Variants in CPSF1 observed in about 807,000 individuals in gnomAD.
CPSF1 encodes the protein cleavage and polyadenylation specific factor 1.
A neutral mutation model predicts 175.8 loss-of-function variants in CPSF1; 106 were observed. The observed-to-expected ratio is 0.60, with a 90% confidence interval of 0.52 to 0.71. The LOEUF is 0.71. CPSF1 is among the 30% of genes least tolerant of loss of function. The pLI, the probability that CPSF1 is intolerant of heterozygous loss-of-function variation, is 0.00. For missense variants in CPSF1, 1,734 were observed against 2,022.9 expected (o/e 0.86, Z 2.74); for synonymous variants, 1,024 against 858.3 (o/e 1.19, Z -3.37).
At chr8:144,404,852 C>A (rs2116900151) in intron 2 of CPSF1, among the ~76,000 whole-genome samples, 2 of 151,574 alleles carry the variant, frequency 1.3e-5, no homozygotes, top group Non-Finnish European at 2.9e-5. Context: ...GTCAGGCGAT[C>A]GAGACCATCC....
At position 144,396,858 on chromosome 8, in the gene CPSF1, G is replaced by A. The variant is rs781996417; in HGVS notation, c.2664C>T (p.Leu888=). 2 of 1,613,892 alleles carry A rather than the reference G, an allele frequency of 1.2e-6. No homozygotes were observed. The highest frequency in any genetic ancestry group is 1.7e-6 in the Non-Finnish European group (2 of 1,179,960). The change falls in exon 24 of 38, where the codon CTC becomes CTT. Residue 888 remains leucine (L), a synonymous_variant. Coordinates refer to ENST00000616140, the MANE Select transcript of CPSF1 (RefSeq NM_013291.3). The stretch of plus-strand genomic sequence containing the variant: ...CTGGCACCTTCTTAAAGCGGACTTT[G>A]AGATTGCCCTGGCCGAGCTGAGAGT... The part of the protein sequence containing the change: ...PHDSQLGQGN[L]KVRFKKVPHN...
chr8:144,395,687 T>A, intron 26 of CPSF1, 136 bp from the exon 27 acceptor site: 1 of 709,940 alleles, frequency 1.4e-6, no homozygotes, highest in Non-Finnish European at 2.4e-6. Context: ...AGCTGTGTCC[T>A]GGCGAGGTCC....
Position 144,397,545 on chromosome 8 carries a change from G to T in CPSF1, c.2327C>A (p.Pro776His). The change falls in exon 22 of 38, where the codon CCC becomes CAC. Residue 776 changes from proline (P) to histidine (H), a missense_variant. This residue lies in a region of CPSF1 where 585 missense variants were observed against 584.7 expected (regional missense o/e 1.00). Transcript: ENST00000616140. ...CCAGTGGGTAGGCTCTGCCCGGAAG[G>T]GTGCAGGGTCCCGGTCAGCAGGGGG... Reference protein sequence around the residue: ...SQPPADRDPAPFRAEPTHWCL... With the variant: ...SQPPADRDPAHFRAEPTHWCL... The T allele has an allele frequency of 6.4e-7, 1 of 1,564,382 alleles. No individual in the cohort carries two copies. The highest frequency in any genetic ancestry group is 8.7e-7 in the Non-Finnish European group (1 of 1,149,278).
At chr8:144,400,536 A>C in intron 7 of CPSF1, 43 bp from the exon 8 acceptor site, 1 of 1,610,398 alleles carries the variant, frequency 6.2e-7, no homozygotes, top group Non-Finnish European at 8.5e-7. Flanking sequence ...GCCTCCCCGC[A>C]GAGACCCAGG....
chr8:144,402,661 CAGA>C (rs1821284866), intron 2 of CPSF1, among the ~76,000 whole-genome samples: 1 of 152,138 alleles, frequency 6.6e-6, no homozygotes, highest in African/African-American at 2.4e-5. Context: ...TTAAGAGATA[CAGA>C]AGAAGCATCC....
chr8:144,393,232 CAAGCAAAAAATGTTTTTCCTT>C lies in CPSF1; in HGVS notation c.*65_*85del. ...CCGTGTAATGACCACACACTCCTCT[CAAGCAAAAAATGTTTTTCCTT>C]GTGTTTTGTACAAAAAGGGGGTGGG... On this transcript the variant is annotated 3_prime_UTR_variant, in exon 38 of 38. Coordinates refer to ENST00000616140, the MANE Select transcript of CPSF1 (RefSeq NM_013291.3). 1 of 1,409,954 alleles carries C rather than the reference CAAGCAAAAAATGTTTTTCCTT, an allele frequency of 7.1e-7. No homozygotes were observed. Among genetic ancestry groups the C allele is most frequent in the Non-Finnish European group, 9.5e-7 (1 of 1,057,444 alleles). 87.3% of individuals were successfully genotyped at this position (1,409,954 alleles called of 1,614,324 possible). A position where few individuals can be genotyped will look rare whatever the true frequency, so the allele number is the denominator to read the frequency against.
rs201505676 is a variant in CPSF1 at position 144,399,443 on chromosome 8, G to A, written c.1294+9C>T. 1,093 of 1,612,746 alleles carry A rather than the reference G, an allele frequency of 6.8e-4. 9 individuals are homozygous for A. Among genetic ancestry groups the A allele is most frequent in the Admixed American group, 1.7e-4 (10 of 59,958 alleles). ...CCCCGCTCCTGACCAGCCCTGGACC[G>A]GCCCTCACCTGACCAGCCGGCCGTC... is the stretch of plus-strand genomic sequence containing the variant. On this transcript the variant is annotated intron_variant, in intron 13 of 37. Coordinates refer to ENST00000616140, the MANE Select transcript of CPSF1 (RefSeq NM_013291.3). This position sits in a 1 kb window ranked among gnomAD's most constrained non-coding sequence, Gnocchi z 6.4.
intron 2 of CPSF1, among the ~76,000 whole-genome samples, chr8:144,403,549 T>C (rs1437353729): frequency 6.6e-6 from 1 of 151,578 alleles, no homozygotes; most frequent in Non-Finnish European, 1.5e-5. Context: ...ACCTGACTAA[T>C]TTATTTATTT....
chr8:144,401,012 C>T lies in CPSF1; in HGVS notation c.451G>A (p.Ala151Thr). The T allele has an allele frequency of 6.2e-7, 1 of 1,610,174 alleles. No individual in the cohort carries two copies. ...VRVDPDGRCA[A>T]MLVYGTRLVV... ...AGCCGCGTGCCGTAGACAAGCATGG[C>T]TGCACAGCGCCCGTCGGGGTCCACC... Residue 151 changes from alanine to threonine, a missense_variant, in exon 6 of 38, where the codon GCC (alanine) becomes ACC (threonine). Transcript: ENST00000616140.
chr8:144,396,975 G>A (rs916315514), intron 23 of CPSF1, 46 bp from the exon 24 acceptor site: 38 of 1,431,626 alleles, frequency 2.7e-5, no homozygotes, highest in Non-Finnish European at 3.5e-5. Flanking sequence ...GGGCCATGGA[G>A]AACATGGGAT....
rs1820776891 is a variant in CPSF1, at chr8:144,396,747, G to C, written c.2683-6C>G. 2 of 1,613,756 alleles carry C rather than the reference G, an allele frequency of 1.2e-6. No homozygotes were observed. Among genetic ancestry groups the C allele is most frequent in the Non-Finnish European group, 1.7e-6 (2 of 1,179,960 alleles). ...AAGTTGATGTTGTGAGGGACCTGGG[G>C]GGGAACCATGCAGGTCCTCCAGGGG... On this transcript the variant is annotated splice_region_variant and splice_polypyrimidine_tract_variant and intron_variant, in intron 24 of 37. Coordinates refer to ENST00000616140, the MANE Select transcript of CPSF1 (RefSeq NM_013291.3).
intron 1 of CPSF1, 32 bp from the exon 2 acceptor site, chr8:144,409,204 G>A (rs2116913742): frequency 6.6e-6 from 10 of 1,507,638 alleles, no homozygotes; most frequent in Non-Finnish European, 8.9e-6. Context: ...AGGGTGAGCG[G>A]GGTCGCCCAC....
chr8:144,393,886 A>G lies in CPSF1; in HGVS notation c.4012T>C (p.Phe1338Leu). 1.2e-6 allele frequency: 2 copies of G among 1,609,750 alleles called. No individual in the cohort carries two copies. The highest frequency in any genetic ancestry group is 1.7e-6 in the Non-Finnish European group (2 of 1,178,376). ...ACACCTGCTCCCCCACACTCACCAA[A>G]CCACGTGATGTGCTTATTCTCCCAC... Reference protein sequence around the residue: ...VVWENKHITWFATLDGGIGLL... With the variant: ...VVWENKHITWLATLDGGIGLL... Residue 1338 changes from phenylalanine (F) to leucine (L), a missense_variant, in exon 35 of 38, where the codon TTT becomes CTT. Phe to Leu is a conservative substitution (Grantham distance 22). This residue lies in a region of CPSF1 where 323 missense variants were observed against 338.5 expected (regional missense o/e 0.95). Transcript: ENST00000616140.
At chr8:144,401,189 G>C (rs2116882409) in intron 5 of CPSF1, 22 bp downstream of exon 5, 1 of 1,548,010 alleles carries the variant, frequency 6.5e-7, no homozygotes, top group Non-Finnish European at 8.7e-7. Context: ...GGGCCTGGGC[G>C]GGGGCGGGAG....
intron 25 of CPSF1, 40 bp from the exon 26 acceptor site, chr8:144,396,540 C>T: frequency 6.2e-7 from 1 of 1,608,734 alleles, no homozygotes; most frequent in Admixed American, 1.7e-5. Flanking sequence ...GATGAGGATG[C>T]TGCGGATGAG....
intron 2 of CPSF1, among the ~76,000 whole-genome samples, chr8:144,403,199 C>G (rs2116894077): frequency 4.0e-5 from 6 of 151,624 alleles, no homozygotes; most frequent in African/African-American, 1.2e-4. Context: ...CAGGTTCAAG[C>G]GATTCTCCTG....
At position 144,407,500 on chromosome 8, in the gene CPSF1, G is replaced by A. The variant is rs2116908752; in HGVS notation, c.144+1515C>T. Reference sequence around the variant, plus strand: ...AGTTTGAGACCAGCCTGGCCAATGTGGCGAAACCCTGTCTCTATTAAAAAT... The same window carrying A: ...AGTTTGAGACCAGCCTGGCCAATGTAGCGAAACCCTGTCTCTATTAAAAAT... On this transcript the variant is annotated intron_variant, in intron 2 of 37. Coordinates refer to ENST00000616140, the MANE Select transcript of CPSF1 (RefSeq NM_013291.3). 4.6e-5 allele frequency among the ~76,000 whole-genome samples: 7 copies of A among 152,112 alleles called. No homozygotes were observed. In the East Asian group the frequency reaches 5.8e-4, roughly 13 times the overall value.
In CPSF1 at chr8:144,401,580, G is replaced by C. The variant is rs2116885903; in HGVS notation, c.173-17C>G. 1 of 1,613,116 alleles carries C rather than the reference G, an allele frequency of 6.2e-7. No individual in the cohort carries two copies. Among genetic ancestry groups the C allele is most frequent in the Admixed American group, 1.7e-5 (1 of 59,896 alleles). The stretch of plus-strand genomic sequence containing the variant: ...CCTTCCCCTCTAGGGGAGACACCAG[G>C]GCTCAGGGTCAGGGCCCAGCCATGC... On this transcript the variant is annotated splice_polypyrimidine_tract_variant and intron_variant, in intron 3 of 37. Coordinates refer to ENST00000616140, the MANE Select transcript of CPSF1 (RefSeq NM_013291.3).
In CPSF1 at chr8:144,396,515, C is replaced by A; in HGVS notation, c.2827-15G>T. 1 of 1,611,402 alleles carries A rather than the reference C, an allele frequency of 6.2e-7. No homozygotes were observed. The highest frequency in any genetic ancestry group is 8.5e-7 in the Non-Finnish European group (1 of 1,178,876). The stretch of plus-strand genomic sequence containing the variant: ...CAGATGAAGACCTGGGGGCAGGCAC[C>A]GTGAGGATGCTGTGGATGAGGATGC... On this transcript the variant is annotated splice_polypyrimidine_tract_variant and intron_variant, in intron 25 of 37. Transcript: ENST00000616140.
Sources: allele counts gnomAD v4.1 joint callset (sites outside exome capture counted in the v4.1 genomes callset), GRCh38; gene constraint gnomAD v4.1.1; regional missense constraint gnomAD v4.1.1; non-coding constraint Gnocchi (gnomAD v3.1); transcripts MANE v1.5; gene names NCBI Gene and HGNC (gene_info 2026-07-23, HGNC 2026-07-21).